Variants in UMOD observed in about 807,000 individuals in gnomAD.
The protein encoded by UMOD is Tamm-Horsfall urinary glycoprotein.
In UMOD, 64 loss-of-function variants were observed where a neutral mutation model predicts 66.0. That is an observed-to-expected ratio of 0.97 (90% CI 0.79 to 1.19). The LOEUF is 1.19. Ranked by LOEUF, UMOD falls within the 50% of genes most tolerant of loss-of-function variation. The pLI is 0.00. For missense variants in UMOD, 764 were observed against 850.9 expected (o/e 0.90, Z 1.27); for synonymous variants, 398 against 352.7 (o/e 1.13, Z -1.44).
chr16:20,354,061 C>T (rs1965990738), upstream of UMOD, among the ~76,000 whole-genome samples: 1 of 152,196 alleles, frequency 6.6e-6, no homozygotes, highest in Admixed American at 6.5e-5. Flanking sequence ...CCATCTTCAT[C>T]CATGTCCCTA....
At chr16:20,334,131 T>A (rs145860382) in intron 10 of UMOD, among the ~76,000 whole-genome samples, 1 of 151,940 alleles carries the variant, frequency 6.6e-6, no homozygotes, top group Non-Finnish European at 1.5e-5. Context: ...CCTAGATTTT[T>A]AGACAATTCA....
intron 5 of UMOD, among the ~76,000 whole-genome samples, chr16:20,344,784 C>T (rs1266276583): frequency 6.6e-6 from 1 of 152,144 alleles, no homozygotes. Context: ...AGCATTAGTT[C>T]CTTCAGTGAC....
At chr16:20,337,485 G>T (rs767266657) in intron 7 of UMOD, 32 bp from the exon 8 acceptor site, 2 of 1,613,764 alleles carry the variant, frequency 1.2e-6, no homozygotes, top group Admixed American at 3.3e-5. Flanking sequence ...TAATGTGGTT[G>T]GTTAAATAAA....
Position 20,336,653 on chromosome 16 carries a change from T to C in UMOD, c.1815A>G (p.Thr605=), listed in dbSNP as rs959500218. 1.2e-6 allele frequency: 2 copies of C among 1,613,864 alleles called. No individual in the cohort carries two copies. Among genetic ancestry groups the C allele is most frequent in the African/African-American group, 2.7e-5 (2 of 74,926 alleles). ...AGCGAGTGGCTCTCTTACCTTTCCG[T>C]GTGATGGGACCCAAGTTCAGGACAC... ...QSRVLNLGPI[T]RKGVQATVSR... The change falls in exon 9 of 11, where the codon ACA becomes ACG. Residue 605 remains threonine (T), a synonymous_variant. Transcript: ENST00000396138.
chr16:20,336,529 C>G (rs1278205820), intron 9 of UMOD, 117 bp downstream of exon 9: 1 of 955,452 alleles, frequency 1.0e-6, no homozygotes, highest in African/African-American at 1.6e-5. Flanking sequence ...AGAGGATCCA[C>G]TTGCTCCCAG....
intron 5 of UMOD, among the ~76,000 whole-genome samples, chr16:20,345,390 T>C (rs1965486694): frequency 1.8e-5 from 2 of 111,434 alleles, no homozygotes; most frequent in Non-Finnish European, 3.9e-5. Flanking sequence ...CCTTCCTTTC[T>C]TTTCTTTTTT....
intron 6 of UMOD, 87 bp downstream of exon 6, chr16:20,343,937 G>C (rs1433340126): frequency 1.3e-6 from 2 of 1,531,162 alleles, no homozygotes; most frequent in African/African-American, 1.4e-5. Context: ...CCAGCTCCCT[G>C]TGGGTGGCAG....
At chr16:20,349,931 T>G in intron 2 of UMOD, 1 of 1,494,664 alleles carries the variant, frequency 6.7e-7, no homozygotes, top group Non-Finnish European at 8.9e-7. Context: ...GCAATTACTA[T>G]ATGCCAGGCA....
intron 2 of UMOD, chr16:20,349,826 C>A: frequency 6.5e-7 from 1 of 1,549,962 alleles, no homozygotes; most frequent in African/African-American, 1.4e-5. Context: ...CTCCTCTCTG[C>A]GGAGTCCTCC....
chr16:20,343,796 C>G (rs1441161970), intron 6 of UMOD, among the ~76,000 whole-genome samples: 1 of 152,168 alleles, frequency 6.6e-6, no homozygotes, highest in Non-Finnish European at 1.5e-5. Context: ...GGGCTTGAAC[C>G]AGGCAGTGCT....
At chr16:20,350,059 G>A (rs1469400217) in intron 2 of UMOD, among the ~76,000 whole-genome samples, 2 of 152,078 alleles carry the variant, frequency 1.3e-5, no homozygotes, top group Non-Finnish European at 2.9e-5. Flanking sequence ...GAGGGATTAA[G>A]CCCCTTACTC....
chr16:20,348,579 C>A lies in UMOD; in HGVS notation c.722G>T (p.Gly241Val). ...LNGTHPSSDE[G>V]IVSRKACAHW... ...CGCGCAGGCCTTGCGGCTCACGATG[C>A]CCTCGTCGCTGGACGGATGCGTGCC... The change falls in exon 3 of 11, where the codon GGC becomes GTC. Residue 241 changes from glycine to valine, a missense_variant. Gly to Val is a moderately radical substitution (Grantham distance 109). Transcript: ENST00000396138. The A allele has an allele frequency of 1.3e-6, 2 of 1,594,922 alleles. No individual in the cohort carries two copies. Among genetic ancestry groups the A allele is most frequent in the South Asian group, 1.1e-5 (1 of 89,342 alleles).
chr16:20,351,833 CA>C (rs2141685635), intron 1 of UMOD, among the ~76,000 whole-genome samples: 2 of 152,100 alleles, frequency 1.3e-5, no homozygotes, highest in South Asian at 4.2e-4. Context: ...GCCTGGCCAG[CA>C]TGGTGAAACC....
At chr16:20,344,194 G>A (rs766152731) in intron 5 of UMOD, 22 bp from the exon 6 acceptor site, 2 of 1,455,166 alleles carry the variant, frequency 1.4e-6, no homozygotes, top group East Asian at 2.5e-5. Context: ...AATGGGGGTG[G>A]AGGGGGGGTG....
At chr16:20,333,747 C>T (rs113038428) in intron 10 of UMOD, among the ~76,000 whole-genome samples, 195 of 152,120 alleles carry the variant, frequency 1.3e-3, no homozygotes, top group African/African-American at 4.3e-3. Flanking sequence ...GTCAAATGCC[C>T]GGTTAGCCGG....
chr16:20,348,797 G>A lies in UMOD; in HGVS notation c.504C>T (p.Leu168=), dbSNP rs369454700. 2.8e-4 allele frequency: 426 copies of A among 1,544,612 alleles called. 1 individual carries two copies. The highest frequency in any genetic ancestry group is 2.3e-3 in the Middle Eastern group (13 of 5,774). Residue 168 remains leucine (L), a synonymous_variant, in exon 3 of 11, where the codon CTC becomes CTT. Transcript: ENST00000396138. ...GCGCCTGGCACGGATCCGCGCACAC[G>A]AGCGCGTCGCCCTCGGGCACGCAGT... ...GLDCVPEGDA[L]VCADPCQAHR... is the part of the protein sequence containing the mutation.
intron 5 of UMOD, among the ~76,000 whole-genome samples, chr16:20,345,751 C>T (rs987004846): frequency 1.4e-4 from 21 of 151,994 alleles, no homozygotes; most frequent in African/African-American, 4.4e-4. Flanking sequence ...CTTCCAGGAC[C>T]ACTGGAGACA....
At chr16:20,354,781 G>T (rs760877941), upstream of UMOD, among the ~76,000 whole-genome samples, 38 of 152,142 alleles carry the variant, frequency 2.5e-4, no homozygotes, top group Non-Finnish European at 4.4e-4. Context: ...TGGAGGGACT[G>T]CCCCTCCCAG....
intron 4 of UMOD, among the ~76,000 whole-genome samples, chr16:20,347,109 G>T (rs574924463): frequency 6.6e-6 from 1 of 152,068 alleles, no homozygotes; most frequent in Non-Finnish European, 1.5e-5. Context: ...TGCAACCTCC[G>T]CATCCTGGGT....
Sources: gnomAD v4.1 joint callset for allele counts (sites outside exome capture counted in the v4.1 genomes callset) on GRCh38, gnomAD v4.1.1 for gene constraint, MANE v1.5 for transcripts, NCBI Gene and HGNC (gene_info 2026-07-23, HGNC 2026-07-21) for gene names.